EMX1: variants seen among roughly 807,000 people sequenced by gnomAD.
EMX1 encodes empty spiracles homeobox 1.
Under a neutral mutation model 20.1 loss-of-function variants are expected in EMX1, and 10 were observed. The ratio of observed to expected loss-of-function variants is 0.50; its 90% CI spans 0.31 to 0.84. The LOEUF (loss-of-function observed/expected upper bound fraction) is 0.84. EMX1 is among the 40% of genes least tolerant of loss of function. The pLI is 0.05. For synonymous variants in EMX1, 250 were observed against 200.4 expected, an observed-to-expected ratio of 1.25 and a Z score of -2.09; for missense variants, 424 against 431.9, an observed-to-expected ratio of 0.98 and a Z score of 0.16.
intron 1 of EMX1, among the ~76,000 whole-genome samples, chr2:72,922,765 C>T (rs1428252293): frequency 1.3e-5 from 2 of 152,232 alleles, no homozygotes; most frequent in African/African-American, 4.8e-5. Flanking sequence ...TTAGCTACAG[C>T]ATCTCAATTA....
chr2:72,916,858 G>A (rs1396895992), upstream of EMX1: 7 of 717,118 alleles, frequency 9.8e-6, no homozygotes, highest in African/African-American at 1.7e-5. Flanking sequence ...CCGTGTCTGG[G>A]CACTGGAGCT....
chr2:72,916,947 C>T (rs1049166480), upstream of EMX1: 2 of 717,176 alleles, frequency 2.8e-6, no homozygotes, highest in African/African-American at 1.7e-5. Flanking sequence ...CCCGCCTGGC[C>T]CCTTGTGAAG....
At chr2:72,917,174 ACTGAAACGACATC>A, upstream of EMX1, 1 of 609,322 alleles carries the variant, frequency 1.6e-6, no homozygotes, top group South Asian at 2.0e-5. Context: ...TTCTCTGAGA[ACTGAAACGACATC>A]CCGGGACGAA....
chr2:72,917,135 C>T, upstream of EMX1: 1 of 614,458 alleles, frequency 1.6e-6, no homozygotes. Flanking sequence ...TGTTGGACCC[C>T]AAACATCCAC....
chr2:72,917,680 G>A lies in EMX1; in HGVS notation c.-173G>A, dbSNP rs1392638846. On this transcript the variant is annotated 5_prime_UTR_variant, in exon 1 of 3. Coordinates refer to ENST00000258106, the MANE Select transcript of EMX1 (RefSeq NM_004097.3). ...CCTAGCACGGAGCCCGCGCCTGTGC[G>A]GGCGCCTGGAGCTGCCCGCTCCGCC... 4 of 424,956 alleles carry A rather than the reference G, an allele frequency of 9.4e-6. No individual in the cohort carries two copies. Among genetic ancestry groups the A allele is most frequent in the East Asian group, 6.5e-5 (1 of 15,416 alleles). The allele number at this position is 424,956 out of a possible 1,614,324, so 26.3% of individuals were successfully genotyped here.
chr2:72,923,110 T>A (rs1435234206), intron 1 of EMX1, among the ~76,000 whole-genome samples: 1 of 152,150 alleles, frequency 6.6e-6, no homozygotes, highest in Non-Finnish European at 1.5e-5. Flanking sequence ...AGACAGGCGC[T>A]GTGGGTAGAG....
upstream of EMX1, chr2:72,917,089 A>AG (rs566204085): frequency 2.5e-3 from 1,547 of 626,648 alleles, 8 homozygotes; most frequent in Non-Finnish European, 2.3e-3. Context: ...CCCGGAGAGC[A>AG]GGGGGGCAGA....
rs1029292939 is a variant in EMX1, at chr2:72,934,032, C to T, written c.*78C>T. 7.7e-6 allele frequency: 12 copies of T among 1,568,126 alleles called. No homozygotes were observed. The highest frequency in any genetic ancestry group is 6.8e-5 in the African/African-American group (5 of 73,874). ...CCCCTGCGTGGGCCCAAGCTGGACT[C>T]TGGCCACTCCCTGGCCAGGCTTTGG... On this transcript the variant is annotated 3_prime_UTR_variant, in exon 3 of 3. Coordinates refer to ENST00000258106, the MANE Select transcript of EMX1 (RefSeq NM_004097.3).
In EMX1 at chr2:72,934,154, C is replaced by T; in HGVS notation, c.*200C>T. ...CTGGCTGAGGCCTGGGACCACTTGG[C>T]CTTCTCCTCGGAGAGCCTGCCTGCC... On this transcript the variant is annotated 3_prime_UTR_variant, in exon 3 of 3. Transcript: ENST00000258106. The T allele has an allele frequency of 6.6e-6, 5 of 753,408 alleles. No individual in the cohort carries two copies. Among genetic ancestry groups the T allele is most frequent in the Non-Finnish European group, 2.0e-6 (1 of 494,414 alleles). 46.7% of individuals were successfully genotyped at this position (753,408 alleles called of 1,614,324 possible).
Position 72,918,075 on chromosome 2 carries a change from G to A in EMX1, c.223G>A (p.Glu75Lys), listed in dbSNP as rs2105259924. Residue 75 changes from glutamate to lysine, a missense_variant, in exon 1 of 3, where the codon GAG (glutamate) becomes AAG (lysine). This residue lies in a region of EMX1 where 333 missense variants were observed against 296.6 expected (regional missense o/e 1.12). Coordinates refer to ENST00000258106, the MANE Select transcript of EMX1 (RefSeq NM_004097.3). ...CCATCTCCTGGCGGCGGCCGCCTCCGAGGAACCGCTCCGGCCCACGGCGCT... is the reference window on the plus strand; with the variant it reads ...CCATCTCCTGGCGGCGGCCGCCTCCAAGGAACCGCTCCGGCCCACGGCGCT... ...GSHLLAAAAS[E>K]EPLRPTALNY... 3.5e-6 allele frequency: 5 copies of A among 1,423,930 alleles called. No homozygotes were observed. The highest frequency in any genetic ancestry group is 2.4e-4 in the Middle Eastern group (1 of 4,094). 88.2% of individuals were successfully genotyped at this position (1,423,930 alleles called of 1,614,324 possible). A position where few individuals can be genotyped will look rare whatever the true frequency, so the allele number is the denominator to read the frequency against.
rs1670995007 is a variant in EMX1 at position 72,917,812 on chromosome 2, A to G, written c.-41A>G. On this transcript the variant is annotated 5_prime_UTR_variant, in exon 1 of 3. Transcript: ENST00000258106. ...GGCTCGCCCGCGGGGGCCGAGCGCG[A>G]GCGGGCGGGCGGGGGAGGTGAGGGG... 2 of 1,272,170 alleles carry G rather than the reference A, an allele frequency of 1.6e-6. No individual in the cohort carries two copies. Among genetic ancestry groups the G allele is most frequent in the Non-Finnish European group, 2.0e-6 (2 of 1,012,458 alleles). The allele number at this position is 1,272,170 out of a possible 1,614,324, so 78.8% of individuals were successfully genotyped here. A position where few individuals can be genotyped will look rare whatever the true frequency, so the allele number is the denominator to read the frequency against.
At position 72,928,182 on chromosome 2, in the gene EMX1, G is replaced by A. The variant is rs141403879; in HGVS notation, c.705+3689G>A. Among the ~76,000 whole-genome samples, 257 of 152,320 alleles carry A rather than the reference G, an allele frequency of 1.7e-3. 5 individuals are homozygous for A. Among genetic ancestry groups the A allele is most frequent in the East Asian group, 2.5e-3 (13 of 5,180 alleles). On this transcript the variant is annotated intron_variant, in intron 2 of 2. Transcript: ENST00000258106. ...GATGAGGGAAGAGCCCTGGGCAAGGGCTAGTTCTCCCTTCAGGTTCTAATG... is the reference window on the plus strand; with the variant it reads ...GATGAGGGAAGAGCCCTGGGCAAGGACTAGTTCTCCCTTCAGGTTCTAATG...
chr2:72,925,521 G>A (rs1417855186), intron 2 of EMX1: 1 of 1,288,282 alleles, frequency 7.8e-7, no homozygotes. Flanking sequence ...CGTGCCGGCC[G>A]GCTCCCAGAG....
chr2:72,918,428 A>G (rs1453402618), intron 1 of EMX1, 56 bp downstream of exon 1: 40 of 1,342,660 alleles, frequency 3.0e-5, no homozygotes, highest in Non-Finnish European at 3.2e-5. Context: ...TGCTGCGGCG[A>G]TGCGGGGGAG....
chr2:72,921,237 G>A (rs1003217369), intron 1 of EMX1, among the ~76,000 whole-genome samples: 12 of 152,194 alleles, frequency 7.9e-5, no homozygotes, highest in African/African-American at 2.9e-4. Flanking sequence ...AGAAAAATCG[G>A]AGGGGTAGGG....
upstream of EMX1, chr2:72,917,112 G>A: frequency 1.6e-6 from 1 of 618,782 alleles, no homozygotes; most frequent in Non-Finnish European, 3.0e-6. Context: ...GCTGGTTTTC[G>A]GGAAAACCAA....
At position 72,934,825 on chromosome 2, in the gene EMX1, C is replaced by G. The variant is rs1460955983; in HGVS notation, c.*871C>G. 1 of 152,142 alleles carries G rather than the reference C, an allele frequency of 6.6e-6. No individual in the cohort carries two copies. The highest frequency in any genetic ancestry group is 1.5e-5 in the Non-Finnish European group (1 of 68,054). 9.4% of individuals were successfully genotyped at this position (152,142 alleles called of 1,614,324 possible). A position where few individuals can be genotyped will look rare whatever the true frequency, so the allele number is the denominator to read the frequency against. ...GGATGCTCACCTGTCCTTGGAGAAC[C>G]GCTGGGCAGGTTGAGACTGCAGAGA... On this transcript the variant is annotated 3_prime_UTR_variant, in exon 3 of 3. Transcript: ENST00000258106.
chr2:72,925,423 C>T, intron 2 of EMX1: 1 of 1,283,786 alleles, frequency 7.8e-7, no homozygotes, highest in Non-Finnish European at 1.0e-6. Context: ...ACTGCATAAG[C>T]TCTTGGTCCA....
At chr2:72,923,945 C>T (rs1182610530) in intron 1 of EMX1, 1 of 371,986 alleles carries the variant, frequency 2.7e-6, no homozygotes, top group East Asian at 5.7e-5. Flanking sequence ...GAAAGAGCGC[C>T]ATGGACTTTT....
Sources: allele counts gnomAD v4.1 joint callset (sites outside exome capture counted in the v4.1 genomes callset), GRCh38; gene constraint gnomAD v4.1.1; regional missense constraint gnomAD v4.1.1; transcripts MANE v1.5; gene names NCBI Gene and HGNC (gene_info 2026-07-23, HGNC 2026-07-21).